The following THSD4 variants were observed in gnomAD, a reference collection of about 807,000 sequenced individuals.
THSD4 encodes thrombospondin type 1 domain containing 4.
A neutral mutation model predicts 119.0 loss-of-function variants in THSD4; 69 were observed. The observed-to-expected ratio is 0.58, with a 90% CI of 0.48 to 0.71. THSD4 has a LOEUF of 0.71. Among genes scored for constraint, THSD4 ranks in the 30% least tolerant of loss-of-function variants. The pLI, the probability that THSD4 is intolerant of heterozygous loss-of-function variation, is 0.00. For synonymous variants in THSD4, 524 were observed against 540.4 expected (o/e 0.97, Z 0.42); for missense variants, 1,393 against 1,391.1 (o/e 1.00, Z -0.02).
At chr15:71,269,770 A>C (rs1453455150) in intron 6 of THSD4, among the ~76,000 whole-genome samples, 1 of 152,232 alleles carries the variant, frequency 6.6e-6, no homozygotes, top group African/African-American at 2.4e-5. Context: ...TACAAAATCA[A>C]TGTGCAAAAA....
In THSD4 at chr15:71,460,943, A is replaced by AC. The variant is rs892886871; in HGVS notation, c.1152+49127dup. 6.6e-5 allele frequency among the ~76,000 whole-genome samples: 10 copies of AC among 151,912 alleles called. 1 individual carries two copies. The highest frequency in any genetic ancestry group is 5.9e-4 in the Admixed American group (9 of 15,256). Reference sequence around the variant, plus strand: ...TTTTACTCATGGTAGCTCTATGTTAACCCCCCCATATTCATTAACTATTGC... The same window carrying AC: ...TTTTACTCATGGTAGCTCTATGTTAACCCCCCCCATATTCATTAACTATTGC... On this transcript the variant is annotated intron_variant, in intron 7 of 17. Coordinates refer to ENST00000261862, the MANE Select transcript of THSD4 (RefSeq NM_024817.3).
At chr15:71,190,262 C>T (rs2043659407) in intron 3 of THSD4, among the ~76,000 whole-genome samples, 1 of 152,198 alleles carries the variant, frequency 6.6e-6, no homozygotes, top group South Asian at 2.1e-4. Flanking sequence ...CAAAATCAGT[C>T]ATTGAAAAAT....
At chr15:71,564,284 G>A (rs2049181108) in intron 7 of THSD4, among the ~76,000 whole-genome samples, 1 of 152,158 alleles carries the variant, frequency 6.6e-6, no homozygotes, top group South Asian at 2.1e-4. Context: ...TCCCAGAGAG[G>A]ACCATAATCC....
chr15:71,333,574 T>G (rs1394570869), intron 6 of THSD4, among the ~76,000 whole-genome samples: 2 of 152,184 alleles, frequency 1.3e-5, no homozygotes, highest in South Asian at 2.1e-4. Context: ...TGGCAACTGA[T>G]AGAGTGCAGA....
rs553104398 is a variant in THSD4 at position 71,370,874 on chromosome 15, T to G, written c.1016-40813T>G. Among the ~76,000 whole-genome samples, 363 of 152,308 alleles carry G rather than the reference T, an allele frequency of 2.4e-3. 2 individuals carry two copies. The highest frequency in any genetic ancestry group is 8.4e-3 in the African/African-American group (351 of 41,556). ...TCGTCGATCTGTCTGATGTTGACAG[T>G]GGGGTGTTAAAGTCTCCCATTATTA... is the stretch of plus-strand genomic sequence containing the variant. On this transcript the variant is annotated intron_variant, in intron 6 of 17. Transcript: ENST00000261862.
At chr15:71,357,685 A>AGGG (rs1440599062) in intron 6 of THSD4, among the ~76,000 whole-genome samples, 1 of 152,184 alleles carries the variant, frequency 6.6e-6, no homozygotes, top group Non-Finnish European at 1.5e-5. Context: ...TGGCAGAGGA[A>AGGG]GGGGAGTGCA....
intron 6 of THSD4, among the ~76,000 whole-genome samples, chr15:71,366,317 G>A (rs948857792): frequency 5.9e-5 from 9 of 152,034 alleles, no homozygotes; most frequent in Non-Finnish European, 1.0e-4. Context: ...CTCATGATCC[G>A]CCCGTCTTGG....
intron 7 of THSD4, among the ~76,000 whole-genome samples, chr15:71,421,624 G>A (rs1477160414): frequency 3.3e-5 from 5 of 152,102 alleles, no homozygotes. Context: ...TTGAGAGTTT[G>A]ATTATTAAAT....
rs77668798 is a variant in THSD4 at position 71,694,715 on chromosome 15, T to C, written c.1358-33834T>C. On this transcript the variant is annotated intron_variant, in intron 8 of 17. Transcript: ENST00000261862. ...ACAGATACCAGGAACTGAACTGAAA[T>C]TTTCAGGACATGCTGTTATAACTCT... Among the ~76,000 whole-genome samples the C allele has an allele frequency of 8.7e-3, 1,321 of 152,188 alleles. 58 individuals are homozygous for C. The highest frequency in any genetic ancestry group is 0.06 in the Admixed American group (918 of 15,282).
intron 12 of THSD4, among the ~76,000 whole-genome samples, chr15:71,746,381 A>ACTTTT (rs2053337203): frequency 6.6e-6 from 1 of 152,058 alleles, no homozygotes; most frequent in Non-Finnish European, 1.5e-5. Flanking sequence ...CCTTAGGCAG[A>ACTTTT]CTTTTTCTTT....
At chr15:71,387,705 T>C (rs920252353) in intron 6 of THSD4, among the ~76,000 whole-genome samples, 2 of 152,242 alleles carry the variant, frequency 1.3e-5, no homozygotes, top group African/African-American at 4.8e-5. Context: ...AAATCTTTCT[T>C]GTTGATTGTA....
intron 6 of THSD4, among the ~76,000 whole-genome samples, chr15:71,275,792 T>C (rs1175962756): frequency 6.6e-6 from 1 of 152,208 alleles, no homozygotes; most frequent in Non-Finnish European, 1.5e-5. Flanking sequence ...GTTGGTTTTA[T>C]AAGGGGCTTT....
chr15:71,199,834 G>GA (rs1567154989), intron 3 of THSD4, among the ~76,000 whole-genome samples: 1 of 148,054 alleles, frequency 6.8e-6, no homozygotes, highest in Non-Finnish European at 1.5e-5. Flanking sequence ...TGGGGTGTGT[G>GA]TGTGTGTGCT....
At chr15:71,320,414 C>G (rs1363503397) in intron 6 of THSD4, among the ~76,000 whole-genome samples, 2 of 152,182 alleles carry the variant, frequency 1.3e-5, no homozygotes, top group African/African-American at 4.8e-5. Flanking sequence ...GTCCATTTTC[C>G]TTTTTTGATG....
intron 8 of THSD4, among the ~76,000 whole-genome samples, chr15:71,714,188 G>A (rs1310718190): frequency 2.6e-5 from 4 of 152,168 alleles, no homozygotes; most frequent in Non-Finnish European, 4.4e-5. Flanking sequence ...CCCTGTCCCA[G>A]AGGATTATGA....
chr15:71,629,647 G>A (rs1344584626), intron 7 of THSD4, among the ~76,000 whole-genome samples: 1 of 152,132 alleles, frequency 6.6e-6, no homozygotes, highest in Non-Finnish European at 1.5e-5. Context: ...CTTTTGTGAT[G>A]TTGGGTAGAC....
At chr15:71,696,997 GC>G (rs1421401186) in intron 8 of THSD4, among the ~76,000 whole-genome samples, 1 of 152,230 alleles carries the variant, frequency 6.6e-6, no homozygotes, top group African/African-American at 2.4e-5. Context: ...TTGAGAGGCA[GC>G]CTTCAGAATG....
chr15:71,711,673 G>GAT (rs10671082), intron 8 of THSD4, among the ~76,000 whole-genome samples: 144,866 of 151,836 alleles, frequency 0.95, 69,497 homozygotes, highest in South Asian at 1. Flanking sequence ...TAAAGGTAAT[G>GAT]ATATATATAA....
chr15:71,321,300 C>T (rs2045264818), intron 6 of THSD4, among the ~76,000 whole-genome samples: 1 of 152,178 alleles, frequency 6.6e-6, no homozygotes, highest in African/African-American at 2.4e-5. Flanking sequence ...CTTTGGGAGG[C>T]TGAGGCAGGC....
Sources: gnomAD v4.1 joint callset for allele counts (sites outside exome capture counted in the v4.1 genomes callset) on GRCh38, gnomAD v4.1.1 for gene constraint, MANE v1.5 for transcripts, NCBI Gene and HGNC (gene_info 2026-07-23, HGNC 2026-07-21) for gene names.